The following PRUNE2 variants were observed in gnomAD, a reference collection of about 807,000 sequenced individuals.
PRUNE2 encodes the protein prune homolog 2 with BCH domain.
Under a neutral mutation model 252.0 loss-of-function variants are expected in PRUNE2, and 164 were observed. That is an observed-to-expected ratio of 0.65 (90% confidence interval 0.57 to 0.74). The LOEUF is 0.74. PRUNE2 is among the 30% of genes least tolerant of loss of function. PRUNE2 has a pLI of 0.00. For synonymous variants in PRUNE2, 1,292 were observed against 1,350.2 expected (o/e 0.96, Z 0.94); for missense variants, 3,495 against 3,711.0 (o/e 0.94, Z 1.51).
chr9:76,764,283 G>A (rs1051504083), intron 6 of PRUNE2, among the ~76,000 whole-genome samples: 7 of 152,110 alleles, frequency 4.6e-5, no homozygotes, highest in African/African-American at 9.7e-5. Context: ...TAATAGCAAC[G>A]TGTCAACATA....
intron 15 of PRUNE2, among the ~76,000 whole-genome samples, chr9:76,629,861 G>T (rs1457102603): frequency 1.3e-5 from 2 of 152,136 alleles, no homozygotes; most frequent in Admixed American, 6.5e-5. Flanking sequence ...TTGGCCAAAT[G>T]CTGTCTTAAG....
chr9:76,699,027 T>TTCCCTCC (rs141749638), intron 9 of PRUNE2, among the ~76,000 whole-genome samples: 32,094 of 139,516 alleles, frequency 0.23, 4,827 homozygotes, highest in East Asian at 0.5. Context: ...TCTCTTCTCC[T>TTCCCTCC]TCCCCACCCC....
At chr9:76,656,229 T>C (rs762000468) in intron 9 of PRUNE2, among the ~76,000 whole-genome samples, 3 of 151,888 alleles carry the variant, frequency 2.0e-5, no homozygotes, top group African/African-American at 4.8e-5. Flanking sequence ...GACGAATCTA[T>C]ATGTTCTTCT....
intron 2 of PRUNE2, among the ~76,000 whole-genome samples, chr9:76,851,268 C>T (rs2059939460): frequency 6.6e-6 from 1 of 152,126 alleles, no homozygotes; most frequent in Admixed American, 6.5e-5. Flanking sequence ...AATTAACGGG[C>T]TGGGTGCGAT....
intron 3 of PRUNE2, 51 bp downstream of exon 3, chr9:76,850,412 G>C (rs748548025): frequency 7.0e-7 from 1 of 1,433,132 alleles, no homozygotes. Context: ...ACTTTGCCCA[G>C]TAGAACCTTC....
intron 15 of PRUNE2, among the ~76,000 whole-genome samples, chr9:76,633,266 A>G (rs1378066273): frequency 6.6e-6 from 1 of 151,618 alleles, no homozygotes. Flanking sequence ...TAGTAAATTC[A>G]ATTTCGGTTT....
Position 76,624,372 on chromosome 9 carries a change from C to G in PRUNE2, c.9188+80G>C, listed in dbSNP as rs138146723. On this transcript the variant is annotated intron_variant, in intron 17 of 18. Transcript: ENST00000376718. Reference sequence around the variant, plus strand: ...TTATCAGGAAGCAGGAATAAAACACCAGGCATGCAGATTTTCCCAATTCAG... The same window carrying G: ...TTATCAGGAAGCAGGAATAAAACACGAGGCATGCAGATTTTCCCAATTCAG... 4.9e-3 allele frequency: 4,508 copies of G among 916,606 alleles called. 23 individuals carry two copies. Among genetic ancestry groups the G allele is most frequent in the Non-Finnish European group, 6.3e-3 (4,129 of 659,340 alleles). 56.8% of individuals were successfully genotyped at this position (916,606 alleles called of 1,614,324 possible).
At chr9:76,881,762 C>G (rs1392206193) in intron 1 of PRUNE2, among the ~76,000 whole-genome samples, 1 of 152,118 alleles carries the variant, frequency 6.6e-6, no homozygotes, top group Non-Finnish European at 1.5e-5. Flanking sequence ...GCTGGGACTA[C>G]AGGCATGCAC....
chr9:76,806,811 C>T (rs548389989), intron 6 of PRUNE2, among the ~76,000 whole-genome samples: 20 of 152,052 alleles, frequency 1.3e-4, no homozygotes, highest in African/African-American at 4.8e-4. Context: ...AGCCACCGCA[C>T]CCGGCCTCAG....
intron 9 of PRUNE2, among the ~76,000 whole-genome samples, chr9:76,670,244 G>A (rs574305846): frequency 2.0e-5 from 3 of 152,274 alleles, no homozygotes; most frequent in Non-Finnish European, 2.9e-5. Flanking sequence ...CTTGGGAAGC[G>A]CGAGGGGTCA....
At chr9:76,880,143 G>C (rs545500114) in intron 1 of PRUNE2, among the ~76,000 whole-genome samples, 76 of 151,828 alleles carry the variant, frequency 5.0e-4, no homozygotes, top group African/African-American at 1.7e-3. Context: ...TCGATCTCCT[G>C]ACCTTGTGAT....
chr9:76,621,151 C>G (rs1238950268), intron 17 of PRUNE2, among the ~76,000 whole-genome samples: 1 of 152,092 alleles, frequency 6.6e-6, no homozygotes, highest in African/African-American at 2.4e-5. Context: ...GTTCCCTGAC[C>G]AAGTGTACGT....
At chr9:76,856,830 T>C (rs183340178) in intron 1 of PRUNE2, among the ~76,000 whole-genome samples, 124 of 152,118 alleles carry the variant, frequency 8.2e-4, no homozygotes, top group African/African-American at 2.9e-3. Context: ...CTTGGCTCAC[T>C]GCAACCTCCG....
At chr9:76,816,902 C>T (rs1016853365) in intron 6 of PRUNE2, among the ~76,000 whole-genome samples, 5 of 152,200 alleles carry the variant, frequency 3.3e-5, no homozygotes, top group African/African-American at 1.2e-4. Context: ...CTGTCCTATC[C>T]AATCCTTCTT....
intron 17 of PRUNE2, among the ~76,000 whole-genome samples, 172 bp downstream of exon 17, chr9:76,624,280 T>C (rs890667890): frequency 1.3e-5 from 2 of 151,956 alleles, no homozygotes; most frequent in African/African-American, 2.4e-5. Context: ...TGGGGAAAAA[T>C]AGATTGTAGT....
At chr9:76,883,661 C>A (rs1275722631) in intron 1 of PRUNE2, among the ~76,000 whole-genome samples, 1 of 152,212 alleles carries the variant, frequency 6.6e-6, no homozygotes, top group Non-Finnish European at 1.5e-5. Flanking sequence ...CAAGGAGGCA[C>A]TTGACTGACG....
intron 1 of PRUNE2, among the ~76,000 whole-genome samples, chr9:76,887,475 T>C (rs1208525971): frequency 6.6e-6 from 1 of 152,218 alleles, no homozygotes; most frequent in Non-Finnish European, 1.5e-5. Context: ...TTATTAACTT[T>C]CCTTCCTGTA....
intron 15 of PRUNE2, among the ~76,000 whole-genome samples, chr9:76,630,528 T>C (rs935033748): frequency 6.6e-6 from 1 of 152,212 alleles, no homozygotes. Context: ...GAATGCATTT[T>C]CTTTTTTTCT....
intron 1 of PRUNE2, among the ~76,000 whole-genome samples, chr9:76,888,541 C>T (rs916789871): frequency 7.3e-5 from 11 of 151,596 alleles, no homozygotes; most frequent in Non-Finnish European, 1.3e-4. Flanking sequence ...CGCACCACTG[C>T]ACTTCAGCCT....
Sources: allele counts gnomAD v4.1 joint callset (sites outside exome capture counted in the v4.1 genomes callset), GRCh38; gene constraint gnomAD v4.1.1; transcripts MANE v1.5; gene names NCBI Gene and HGNC (gene_info 2026-07-23, HGNC 2026-07-21).